Variants in ART3 observed in about 807,000 individuals in gnomAD.
ART3 encodes the protein ADP-ribosyltransferase 3 (inactive).
Under a neutral mutation model 48.5 loss-of-function variants are expected in ART3, and 49 were observed. That is an observed-to-expected ratio of 1.01 (90% CI 0.80 to 1.28). The LOEUF is 1.28. Among genes scored for constraint, ART3 ranks in the 50% most tolerant of loss-of-function variants. The pLI is 0.00. For synonymous variants in ART3, 145 were observed against 157.2 expected (o/e 0.92, Z 0.58); for missense variants, 438 against 454.3 (o/e 0.96, Z 0.33).
chr4:76,083,262 G>A (rs1722871725), intron 3 of ART3, among the ~76,000 whole-genome samples: 1 of 152,106 alleles, frequency 6.6e-6, no homozygotes, highest in African/African-American at 2.4e-5. Flanking sequence ...ACTCCTCAGT[G>A]GCATCCAGTT....
intron 2 of ART3, among the ~76,000 whole-genome samples, chr4:76,079,907 C>G (rs1288071570): frequency 2.1e-5 from 3 of 140,190 alleles, no homozygotes; most frequent in African/African-American, 8.1e-5. Context: ...CTTTCACTCT[C>G]TCTCTCTCTC....
chr4:76,104,554 G>C (rs1728051753), intron 9 of ART3, 43 bp from the exon 10 acceptor site: 9 of 1,551,396 alleles, frequency 5.8e-6, no homozygotes, highest in Non-Finnish European at 7.8e-6. Flanking sequence ...ATTATACTCA[G>C]TGGAGCAAAC....
chr4:76,082,510 C>A lies in ART3; in HGVS notation c.756C>A (p.Ser252Arg). 1.3e-6 allele frequency: 2 copies of A among 1,592,104 alleles called. No individual in the cohort carries two copies. Among genetic ancestry groups the A allele is most frequent in the Non-Finnish European group, 1.7e-6 (2 of 1,168,920 alleles). The change falls in exon 3 of 12, where the codon AGC becomes AGA. Residue 252 changes from serine to arginine, a missense_variant. This residue lies in a region of ART3 where 227 missense variants were observed against 229.6 expected (regional missense o/e 0.99). Coordinates refer to ENST00000355810, the MANE Select transcript of ART3 (RefSeq NM_001130016.3). ...LILQSINKTC[S>R]HYECAFLGGL... The stretch of plus-strand genomic sequence containing the variant: ...TTCAAAGCATAAACAAGACCTGCAG[C>A]CATTATGAGTGTGCATTTCTAGGTG...
chr4:76,087,566 TA>T (rs1029627076), intron 3 of ART3, among the ~76,000 whole-genome samples: 3 of 152,200 alleles, frequency 2.0e-5, no homozygotes, highest in Admixed American at 2.0e-4. Flanking sequence ...CTAAAAGGGG[TA>T]AAAAAAATTT....
chr4:76,090,302 G>A (rs755014770), intron 3 of ART3, among the ~76,000 whole-genome samples: 3 of 152,318 alleles, frequency 2.0e-5, no homozygotes, highest in South Asian at 2.1e-4. Context: ...CAGAGAGAAC[G>A]TATTGCATAA....
chr4:76,092,320 T>A (rs1413884972), intron 3 of ART3, among the ~76,000 whole-genome samples: 1 of 152,228 alleles, frequency 6.6e-6, no homozygotes, highest in Non-Finnish European at 1.5e-5. Flanking sequence ...TTTCCATCTT[T>A]CGTCAGATTT....
intron 1 of ART3, among the ~76,000 whole-genome samples, chr4:76,051,896 C>T (rs34645415): frequency 0.41 from 40,354 of 97,244 alleles, 9,995 homozygotes; most frequent in East Asian, 0.88. Flanking sequence ...CTCTCTCTCT[C>T]TCTTTTTTTT....
In ART3 at chr4:76,103,981, T is replaced by C. The variant is rs370700853; in HGVS notation, c.970+12T>C. On this transcript the variant is annotated intron_variant, in intron 9 of 11. Coordinates refer to ENST00000355810, the MANE Select transcript of ART3 (RefSeq NM_001130016.3). ...CACCCAAATACCTGGTAAGACAGCT[T>C]TCTATTTACTCCCTGAGCCCAAGAA... 10 of 1,612,614 alleles carry C rather than the reference T, an allele frequency of 6.2e-6. No homozygotes were observed. In the African/African-American group the frequency reaches 1.3e-4, roughly 22 times the overall value.
At chr4:76,103,216 G>A (rs1431735422) in intron 8 of ART3, among the ~76,000 whole-genome samples, 1 of 152,074 alleles carries the variant, frequency 6.6e-6, no homozygotes, top group African/African-American at 2.4e-5. Flanking sequence ...GGATTCCTAG[G>A]ATTAAGAACA....
At chr4:76,028,500 T>A (rs1411073226) in intron 1 of ART3, among the ~76,000 whole-genome samples, 1 of 152,216 alleles carries the variant, frequency 6.6e-6, no homozygotes, top group Non-Finnish European at 1.5e-5. Context: ...GACAAACTAA[T>A]GAGCACAGAC....
rs536319150 is a variant in ART3 at position 76,075,672 on chromosome 4, G to A, written c.-9-209G>A. 2.6e-5 allele frequency among the ~76,000 whole-genome samples: 4 copies of A among 152,220 alleles called. No homozygotes were observed. In the East Asian group the frequency reaches 7.7e-4, roughly 29 times the overall value. On this transcript the variant is annotated intron_variant, in intron 1 of 11. Transcript: ENST00000355810. Reference sequence around the variant, plus strand: ...ATCACTGAAATTCTAAGGTGTTTTTGTTTCCTCGTCTGTAGAATGAGAGCA... The same window carrying A: ...ATCACTGAAATTCTAAGGTGTTTTTATTTCCTCGTCTGTAGAATGAGAGCA...
chr4:76,097,393 A>AATGG (rs965178860), intron 3 of ART3, among the ~76,000 whole-genome samples: 2 of 151,736 alleles, frequency 1.3e-5, no homozygotes, highest in Non-Finnish European at 2.9e-5. Context: ...AAATTGTAGA[A>AATGG]ATGGGGTCTC....
At chr4:76,107,855 G>T in intron 11 of ART3, 62 bp downstream of exon 11, 1 of 1,332,264 alleles carries the variant, frequency 7.5e-7, no homozygotes, top group South Asian at 1.4e-5. Context: ...GAAAAAGTGA[G>T]AAATTTATTT....
At chr4:76,018,087 C>T (rs1485318453) in intron 1 of ART3, among the ~76,000 whole-genome samples, 1 of 152,236 alleles carries the variant, frequency 6.6e-6, no homozygotes, top group Non-Finnish European at 1.5e-5. Flanking sequence ...CCAGCAATCC[C>T]ATAACTGGGT....
chr4:76,037,901 C>CA (rs998104771), intron 1 of ART3, among the ~76,000 whole-genome samples: 23 of 152,102 alleles, frequency 1.5e-4, no homozygotes, highest in African/African-American at 5.3e-4. Context: ...TTATCTTATT[C>CA]AACTTCTTTT....
chr4:76,053,407 A>C (rs1037890525), intron 1 of ART3, among the ~76,000 whole-genome samples: 6 of 105,348 alleles, frequency 5.7e-5, no homozygotes, highest in Non-Finnish European at 7.7e-5. Flanking sequence ...TTTTGGTAGA[A>C]GAGTTACTAA....
chr4:76,052,990 A>G (rs894674306), intron 1 of ART3, among the ~76,000 whole-genome samples: 2 of 152,090 alleles, frequency 1.3e-5, no homozygotes, highest in Non-Finnish European at 2.9e-5. Flanking sequence ...CAGCCTCCCA[A>G]AATGCTGGGA....
chr4:76,056,443 A>C (rs1718698616), intron 1 of ART3, among the ~76,000 whole-genome samples: 1 of 152,208 alleles, frequency 6.6e-6, no homozygotes, highest in African/African-American at 2.4e-5. Context: ...TCTAAAACTA[A>C]GGACTCTAAA....
At chr4:76,110,038 G>T (rs1475500216) in intron 11 of ART3, among the ~76,000 whole-genome samples, 1 of 152,124 alleles carries the variant, frequency 6.6e-6, no homozygotes, top group Non-Finnish European at 1.5e-5. Flanking sequence ...GGACTCCACT[G>T]CTCCTCTCCA....
Sources: gnomAD v4.1 joint callset for allele counts (sites outside exome capture counted in the v4.1 genomes callset) on GRCh38, gnomAD v4.1.1 for gene constraint, gnomAD v4.1.1 regional missense constraint, MANE v1.5 for transcripts, NCBI Gene and HGNC (gene_info 2026-07-23, HGNC 2026-07-21) for gene names.